Variants in PRR14L observed in about 807,000 individuals in gnomAD.
PRR14L encodes proline rich 14 like.
A neutral mutation model predicts 155.0 loss-of-function variants in PRR14L; 80 were observed. The ratio of observed to expected loss-of-function variants is 0.52; its 90% CI spans 0.43 to 0.62. PRR14L has a LOEUF of 0.62. Among genes scored for constraint, PRR14L ranks in the 20% least tolerant of loss-of-function variants. The pLI, the probability that PRR14L is intolerant of heterozygous loss-of-function variation, is 0.00. For missense variants in PRR14L, 2,469 were observed against 2,548.0 expected, an observed-to-expected ratio of 0.97 and a Z score of 0.67; for synonymous variants, 883 against 916.0, an observed-to-expected ratio of 0.96 and a Z score of 0.65.
chr22:31,706,524 A>C (rs1341715023), intron 4 of PRR14L, among the ~76,000 whole-genome samples: 2 of 150,178 alleles, frequency 1.3e-5, no homozygotes, highest in Admixed American at 6.7e-5. Context: ...TTGTGGGTTC[A>C]AGGAATTCTC....
chr22:31,742,524 G>A lies in PRR14L; in HGVS notation c.-51-3613C>T, dbSNP rs190420533. The stretch of plus-strand genomic sequence containing the variant: ...TGGGATTACAGGCACATGCCATCAC[G>A]CGTGGCTAATTTTTGTATTTTTAGT... On this transcript the variant is annotated intron_variant, in intron 1 of 8. Transcript: ENST00000327423. 2.1e-3 allele frequency among the ~76,000 whole-genome samples: 316 copies of A among 152,096 alleles called. 3 individuals are homozygous for A. Among genetic ancestry groups the A allele is most frequent in the Non-Finnish European group, 3.5e-3 (236 of 68,000 alleles).
chr22:31,719,643 C>A (rs1050596456), intron 3 of PRR14L, among the ~76,000 whole-genome samples: 2 of 152,122 alleles, frequency 1.3e-5, no homozygotes, highest in Admixed American at 6.5e-5. Flanking sequence ...GCTTCCCTAT[C>A]CATTTCTCAA....
Position 31,725,124 on chromosome 22 carries a change from G to A in PRR14L, c.547+414C>T, listed in dbSNP as rs530330951. Among the ~76,000 whole-genome samples, 16 of 152,224 alleles carry A rather than the reference G, an allele frequency of 1.1e-4. 1 individual carries two copies. The South Asian group carries it at 3.1e-3, about 30-fold the overall frequency. On this transcript the variant is annotated intron_variant, in intron 3 of 8. Transcript: ENST00000327423. ...CAAAAGAAAGGGACTTGCTGGGTGCGGTGGCTCATGCCTGTAATCCTGCAC... is the reference window on the plus strand; with the variant it reads ...CAAAAGAAAGGGACTTGCTGGGTGCAGTGGCTCATGCCTGTAATCCTGCAC...
At chr22:31,722,021 C>T (rs939289772) in intron 3 of PRR14L, among the ~76,000 whole-genome samples, 2 of 152,140 alleles carry the variant, frequency 1.3e-5, no homozygotes, top group African/African-American at 2.4e-5. Context: ...TCCTCCCACT[C>T]AGAATAACCA....
chr22:31,745,142 A>T lies in PRR14L; in HGVS notation c.-52+4851T>A, dbSNP rs566424694. On this transcript the variant is annotated intron_variant, in intron 1 of 8. Transcript: ENST00000327423. ...CCTGTAATCCCAGCACTTTGGGAGGACAAGGCAGGCGGATCACGAGGTCAG... is the reference window on the plus strand; with the variant it reads ...CCTGTAATCCCAGCACTTTGGGAGGTCAAGGCAGGCGGATCACGAGGTCAG... Among the ~76,000 whole-genome samples the T allele has an allele frequency of 1.6e-4, 24 of 152,030 alleles. No individual in the cohort carries two copies. In the East Asian group the frequency reaches 4.5e-3, roughly 28 times the overall value.
intron 2 of PRR14L, among the ~76,000 whole-genome samples, chr22:31,734,973 C>T (rs993210150): frequency 3.9e-5 from 6 of 152,202 alleles, no homozygotes; most frequent in Non-Finnish European, 7.3e-5. Flanking sequence ...GCAGGTCTTC[C>T]GTTTCCCCTT....
rs796069732 is a variant in PRR14L at position 31,735,372 on chromosome 22, T to C, written c.474+3015A>G. The stretch of plus-strand genomic sequence containing the variant: ...AGGAGAATGGCATGAACCTGGGAGG[T>C]GGAGCTTGCAGTGAACTGAGATCGT... On this transcript the variant is annotated intron_variant, in intron 2 of 8. Transcript: ENST00000327423. 3.0e-3 allele frequency among the ~76,000 whole-genome samples: 440 copies of C among 148,506 alleles called. 1 individual carries two copies. Among genetic ancestry groups the C allele is most frequent in the African/African-American group, 0.01 (407 of 39,600 alleles).
At position 31,714,726 on chromosome 22, in the gene PRR14L, G is replaced by C. The variant is rs768712544; in HGVS notation, c.3113C>G (p.Ala1038Gly). 4.4e-5 allele frequency: 69 copies of C among 1,552,198 alleles called. No individual in the cohort carries two copies. Among genetic ancestry groups the C allele is most frequent in the Non-Finnish European group, 5.8e-5 (66 of 1,147,142 alleles). The change falls in exon 4 of 9, where the codon GCC becomes GGC. Residue 1038 changes from alanine (A) to glycine (G), a missense_variant. Physicochemically the swap from Ala to Gly is moderately conservative, Grantham distance 60. Coordinates refer to ENST00000327423, the MANE Select transcript of PRR14L (RefSeq NM_173566.3). The part of the protein sequence containing the change: ...GSPKKCNLKG[A>G]FVKMSGCDES... ...ATCACAACCAGACATCTTGACAAAG[G>C]CTCCTTTCAAATTGCATTTCTTTGG...
intron 3 of PRR14L, among the ~76,000 whole-genome samples, chr22:31,724,566 T>G (rs2074707112): frequency 6.6e-6 from 1 of 151,992 alleles, no homozygotes; most frequent in African/African-American, 2.4e-5. Flanking sequence ...CCATGCTAAT[T>G]TTTGCATTTT....
chr22:31,709,155 C>G (rs1303427164), intron 4 of PRR14L, among the ~76,000 whole-genome samples: 1 of 151,966 alleles, frequency 6.6e-6, no homozygotes, highest in Non-Finnish European at 1.5e-5. Flanking sequence ...GTTGCCCAGG[C>G]TGGTCTTGAA....
At chr22:31,692,083 G>T (rs2074514633) in intron 7 of PRR14L, among the ~76,000 whole-genome samples, 1 of 152,092 alleles carries the variant, frequency 6.6e-6, no homozygotes, top group African/African-American at 2.4e-5. Flanking sequence ...GGCCAGGCTG[G>T]TCTCGAACTC....
chr22:31,741,640 G>A (rs1601519150), intron 1 of PRR14L, among the ~76,000 whole-genome samples: 1 of 152,208 alleles, frequency 6.6e-6, no homozygotes, highest in African/African-American at 2.4e-5. Context: ...GGGAGGCCCA[G>A]GCAGGCAGAT....
chr22:31,704,248 G>A (rs2074578027), intron 5 of PRR14L, among the ~76,000 whole-genome samples: 1 of 152,100 alleles, frequency 6.6e-6, no homozygotes, highest in South Asian at 2.1e-4. Context: ...TATTGCTATG[G>A]AATTTTATAA....
rs2147865589 is a variant in PRR14L at position 31,717,008 on chromosome 22, A to G, written c.831T>C (p.Ser277=). 1 of 1,551,790 alleles carries G rather than the reference A, an allele frequency of 6.4e-7. No homozygotes were observed. The highest frequency in any genetic ancestry group is 8.7e-7 in the Non-Finnish European group (1 of 1,146,998). The change falls in exon 4 of 9, where the codon AGT becomes AGC. Residue 277 remains serine, a synonymous_variant. Coordinates refer to ENST00000327423, the MANE Select transcript of PRR14L (RefSeq NM_173566.3). The stretch of plus-strand genomic sequence containing the variant: ...TTCCTGGTAATGACAACCAAGGACA[A>G]CTTTTTAATTCTTCACATTCTTTTT... ...PKEKECEELK[S]CPWLSLPGNS... is the part of the protein sequence containing the mutation.
Position 31,716,585 on chromosome 22 carries a change from C to T in PRR14L, c.1254G>A (p.Arg418=). The part of the protein sequence containing the change: ...ERGGPFLFNA[R]EPEKEISGRC... The stretch of plus-strand genomic sequence containing the variant: ...GACCACTAATCTCCTTTTCTGGTTC[C>T]CTGGCATTAAAAAGAAAAGGTCCAC... The change falls in exon 4 of 9, where the codon AGG becomes AGA. Residue 418 remains arginine, a synonymous_variant. Transcript: ENST00000327423. The T allele has an allele frequency of 1.3e-6, 2 of 1,549,314 alleles. No homozygotes were observed. Among genetic ancestry groups the T allele is most frequent in the African/African-American group, 1.4e-5 (1 of 72,904 alleles).
At chr22:31,710,275 C>G (rs1038393698) in intron 4 of PRR14L, among the ~76,000 whole-genome samples, 1 of 152,104 alleles carries the variant, frequency 6.6e-6, no homozygotes, top group Non-Finnish European at 1.5e-5. Context: ...CACAATGATT[C>G]TACATTAGAG....
At chr22:31,697,348 C>T (rs2074540320) in intron 7 of PRR14L, among the ~76,000 whole-genome samples, 1 of 147,226 alleles carries the variant, frequency 6.8e-6, no homozygotes, top group South Asian at 2.2e-4. Flanking sequence ...GGCAATTGGA[C>T]AATTGATTTC....
At chr22:31,724,682 G>A (rs1185357486) in intron 3 of PRR14L, among the ~76,000 whole-genome samples, 1 of 152,170 alleles carries the variant, frequency 6.6e-6, no homozygotes, top group Admixed American at 6.5e-5. Context: ...ACAGACGTGA[G>A]CCACTGTGCC....
chr22:31,715,040 T>C lies in PRR14L; in HGVS notation c.2799A>G (p.Val933=). Residue 933 remains valine, a synonymous_variant, in exon 4 of 9, where the codon GTA becomes GTG. Transcript: ENST00000327423. The part of the protein sequence containing the change: ...DHAIQELNQT[V]NIPGPEKVLD... ...ACACTTTTTCAGGACCTGGAATGTT[T>C]ACAGTCTGGTTTAGTTCTTGTATAG... 1 of 1,551,904 alleles carries C rather than the reference T, an allele frequency of 6.4e-7. No individual in the cohort carries two copies.
Sources: gnomAD v4.1 joint callset for allele counts (sites outside exome capture counted in the v4.1 genomes callset) on GRCh38, gnomAD v4.1.1 for gene constraint, MANE v1.5 for transcripts, NCBI Gene and HGNC (gene_info 2026-07-23, HGNC 2026-07-21) for gene names.